MEGF11: variants seen among roughly 807,000 people sequenced by gnomAD.
The protein encoded by MEGF11 is multiple EGF like domains 11.
MEGF11 carries 126 observed loss-of-function variants against 146.6 expected under a neutral mutation model. The ratio of observed to expected loss-of-function variants is 0.86; its 90% CI spans 0.74 to 1.00. MEGF11 has a LOEUF of 1.00. Ranked by LOEUF, MEGF11 falls within the 50% of genes least tolerant of loss-of-function variation. The pLI is 0.00. For missense variants in MEGF11, 1,509 were observed against 1,521.2 expected, an observed-to-expected ratio of 0.99 and a Z score of 0.13; for synonymous variants, 532 against 583.4, an observed-to-expected ratio of 0.91 and a Z score of 1.27.
chr15:66,102,293 T>C (rs1016292056), intron 4 of MEGF11, among the ~76,000 whole-genome samples: 1 of 1,124 alleles, frequency 8.9e-4, no homozygotes, highest in Admixed American at 0.031. Flanking sequence ...TGGTACGATC[T>C]GTGCATGTCC....
At chr15:65,898,381 T>C in intron 25 of MEGF11, 1 of 985,418 alleles carries the variant, frequency 1.0e-6, no homozygotes, top group African/African-American at 1.7e-5. Context: ...GAAGGTGATT[T>C]AGAGACTTGT....
intron 5 of MEGF11, among the ~76,000 whole-genome samples, chr15:65,999,986 G>C (rs917827470): frequency 2.0e-5 from 3 of 152,204 alleles, no homozygotes; most frequent in Admixed American, 6.5e-5. Context: ...ACAGGGAAGG[G>C]AAGGGAGATG....
At chr15:65,925,377 G>C (rs903275326) in intron 13 of MEGF11, among the ~76,000 whole-genome samples, 10 of 152,186 alleles carry the variant, frequency 6.6e-5, no homozygotes, top group Non-Finnish European at 7.3e-5. Context: ...ATTATATTCT[G>C]GGCCTGTTTC....
intron 10 of MEGF11, among the ~76,000 whole-genome samples, chr15:65,954,174 C>T (rs1260125270): frequency 1.3e-5 from 2 of 152,192 alleles, no homozygotes; most frequent in African/African-American, 4.8e-5. Flanking sequence ...CAGAAAAGGG[C>T]TCCTTTAATT....
At chr15:65,906,235 C>T (rs1010298049) in intron 23 of MEGF11, 94 bp from the exon 24 acceptor site, 5 of 863,154 alleles carry the variant, frequency 5.8e-6, no homozygotes, top group Non-Finnish European at 9.4e-6. Context: ...TTTCCCCCCC[C>T]TTCTCCCCTA....
At chr15:65,997,790 C>T (rs1441447783) in intron 5 of MEGF11, among the ~76,000 whole-genome samples, 2 of 152,088 alleles carry the variant, frequency 1.3e-5, no homozygotes, top group Non-Finnish European at 2.9e-5. Flanking sequence ...TTATAAGTTG[C>T]AGTAAGGGTA....
intron 1 of MEGF11, among the ~76,000 whole-genome samples, chr15:66,217,991 C>G (rs2091629374): frequency 6.6e-6 from 1 of 152,198 alleles, no homozygotes. Flanking sequence ...TGGGTGATCT[C>G]TCGGCAGCTC....
intron 1 of MEGF11, among the ~76,000 whole-genome samples, chr15:66,170,670 G>A (rs895455595): frequency 2.0e-5 from 3 of 152,110 alleles, no homozygotes; most frequent in Non-Finnish European, 2.9e-5. Flanking sequence ...TATTATTGTC[G>A]TCATCCCTCA....
intron 4 of MEGF11, among the ~76,000 whole-genome samples, chr15:66,118,365 C>T (rs565751438): frequency 6.6e-6 from 1 of 152,210 alleles, no homozygotes; most frequent in Admixed American, 6.5e-5. Flanking sequence ...TCCGGGGTGC[C>T]TCCACTGCAC....
chr15:65,910,695 G>GT (rs2078774265), intron 21 of MEGF11, among the ~76,000 whole-genome samples: 4 of 152,172 alleles, frequency 2.6e-5, no homozygotes, highest in Admixed American at 2.6e-4. Context: ...AGGCTGTATA[G>GT]TATCTATATT....
intron 1 of MEGF11, among the ~76,000 whole-genome samples, chr15:66,233,364 T>C (rs1259409993): frequency 2.0e-5 from 3 of 152,060 alleles, no homozygotes; most frequent in Admixed American, 2.0e-4. Flanking sequence ...GCCTCCTAAG[T>C]AGCTGGGATT....
chr15:65,953,255 A>G (rs1001560216), intron 10 of MEGF11, among the ~76,000 whole-genome samples: 5 of 152,196 alleles, frequency 3.3e-5, no homozygotes, highest in Admixed American at 1.3e-4. Flanking sequence ...CTCATAAGCA[A>G]AGTCTTGTTT....
chr15:65,947,342 C>G (rs2080233833), intron 10 of MEGF11, among the ~76,000 whole-genome samples: 1 of 152,042 alleles, frequency 6.6e-6, no homozygotes, highest in Non-Finnish European at 1.5e-5. Flanking sequence ...TGTTCCAGGC[C>G]TGCAGATTTT....
intron 1 of MEGF11, among the ~76,000 whole-genome samples, chr15:66,202,937 G>T (rs1479671664): frequency 6.6e-6 from 1 of 152,226 alleles, no homozygotes; most frequent in Non-Finnish European, 1.5e-5. Context: ...AGGGCCTGAA[G>T]GAACTGGCTA....
intron 1 of MEGF11, among the ~76,000 whole-genome samples, chr15:66,141,268 G>A (rs2089141187): frequency 7.0e-6 from 1 of 143,562 alleles, no homozygotes; most frequent in Admixed American, 7.0e-5. Context: ...GTGTGTGTGT[G>A]TGTGTGTGTG....
intron 7 of MEGF11, among the ~76,000 whole-genome samples, chr15:65,973,108 ACT>A (rs1461685875): frequency 1.5e-5 from 2 of 134,798 alleles, no homozygotes; most frequent in Non-Finnish European, 3.3e-5. Flanking sequence ...CAAGAGCAAA[ACT>A]CTGTCTCAAA....
At chr15:66,103,085 C>A (rs2086894181) in intron 4 of MEGF11, among the ~76,000 whole-genome samples, 1 of 152,190 alleles carries the variant, frequency 6.6e-6, no homozygotes, top group Admixed American at 6.5e-5. Context: ...AAGTTCCATC[C>A]CAGCAGCAAA....
chr15:66,021,881 C>A (rs549022954), intron 5 of MEGF11, among the ~76,000 whole-genome samples: 1 of 152,324 alleles, frequency 6.6e-6, no homozygotes, highest in East Asian at 1.9e-4. Context: ...AAAGTGGTTT[C>A]TGGCAAGACA....
intron 1 of MEGF11, among the ~76,000 whole-genome samples, chr15:66,183,799 A>G (rs2090620343): frequency 1.3e-5 from 2 of 152,276 alleles, no homozygotes; most frequent in South Asian, 4.1e-4. Context: ...GTGCCCTTCC[A>G]ACAAGCTCCC....
Sources: allele counts gnomAD v4.1 joint callset (sites outside exome capture counted in the v4.1 genomes callset), GRCh38; gene constraint gnomAD v4.1.1; transcripts MANE v1.5; gene names NCBI Gene and HGNC (gene_info 2026-07-23, HGNC 2026-07-21).